HIVEP2: variants seen among roughly 807,000 people sequenced by gnomAD.
HIVEP2 encodes the protein transcription factor HIVEP2.
A neutral mutation model predicts 180.7 loss-of-function variants in HIVEP2; 14 were observed. The ratio of observed to expected loss-of-function variants is 0.08; its 90% CI spans 0.05 to 0.12. HIVEP2 has a LOEUF of 0.12. Among genes scored for constraint, HIVEP2 ranks in the 10% least tolerant of loss-of-function variants. The pLI is 1.00. For synonymous variants in HIVEP2, 1,184 were observed against 1,136.4 expected, an observed-to-expected ratio of 1.04 and a Z score of -0.84; for missense variants, 2,579 against 3,008.5, an observed-to-expected ratio of 0.86 and a Z score of 3.34.
chr6:142,777,993 G>T (rs959417994), intron 3 of HIVEP2, among the ~76,000 whole-genome samples: 1 of 152,098 alleles, frequency 6.6e-6, no homozygotes, highest in African/African-American at 2.4e-5. Flanking sequence ...ATTCCCACAG[G>T]AACGGTAAGT....
chr6:142,841,330 A>G (rs934383667), intron 1 of HIVEP2, among the ~76,000 whole-genome samples: 3 of 152,032 alleles, frequency 2.0e-5, no homozygotes, highest in Non-Finnish European at 4.4e-5. Context: ...TTCTGGGCTC[A>G]CCCTTTAGTT....
chr6:142,817,292 A>G (rs1771485590), intron 2 of HIVEP2, among the ~76,000 whole-genome samples: 2 of 152,222 alleles, frequency 1.3e-5, no homozygotes, highest in African/African-American at 4.8e-5. Flanking sequence ...GTTGTAGCCA[A>G]TGCTAGAAAA....
At chr6:142,895,733 A>G (rs1582948651) in intron 1 of HIVEP2, among the ~76,000 whole-genome samples, 1 of 152,220 alleles carries the variant, frequency 6.6e-6, no homozygotes. Flanking sequence ...AACACACTGT[A>G]TTATTTATTT....
intron 1 of HIVEP2, among the ~76,000 whole-genome samples, chr6:142,873,484 T>C (rs1378525763): frequency 6.6e-6 from 1 of 152,212 alleles, no homozygotes; most frequent in Non-Finnish European, 1.5e-5. Context: ...GGCTTACATA[T>C]ACGAAGTGTC....
At chr6:142,934,827 C>G (rs2128439640) in intron 1 of HIVEP2, among the ~76,000 whole-genome samples, 1 of 152,304 alleles carries the variant, frequency 6.6e-6, no homozygotes, top group Admixed American at 6.5e-5. Context: ...CTTTCCTCCT[C>G]CATTTGTCTT....
intron 2 of HIVEP2, among the ~76,000 whole-genome samples, chr6:142,809,373 C>T (rs998874380): frequency 2.6e-5 from 4 of 152,090 alleles, no homozygotes; most frequent in African/African-American, 4.8e-5. Context: ...TCACTCTTGG[C>T]ACTGGGCACA....
chr6:142,918,517 T>C (rs894420890), intron 1 of HIVEP2, among the ~76,000 whole-genome samples: 3 of 152,238 alleles, frequency 2.0e-5, no homozygotes, highest in African/African-American at 4.8e-5. Context: ...TGTTCTGCCC[T>C]GGCTTTGCGA....
intron 2 of HIVEP2, among the ~76,000 whole-genome samples, chr6:142,801,235 C>T (rs1444415243): frequency 6.7e-6 from 1 of 148,620 alleles, no homozygotes; most frequent in African/African-American, 2.5e-5. Context: ...ACAATACCTT[C>T]AGTTAAGAGG....
In HIVEP2 at chr6:142,760,687, A is replaced by G. The variant is rs1353221568; in HGVS notation, c.5621-20T>C. On this transcript the variant is annotated intron_variant, in intron 8 of 9. Transcript: ENST00000367603. The stretch of plus-strand genomic sequence containing the variant: ...AATTTTCTGAAACAATTAAACAAAG[A>G]TAATGGAGATCAAGATCCAAATATC... The G allele has an allele frequency of 4.6e-6, 7 of 1,538,106 alleles. No individual in the cohort carries two copies. Among genetic ancestry groups the G allele is most frequent in the Non-Finnish European group, 6.2e-6 (7 of 1,134,818 alleles).
chr6:142,927,546 G>A (rs1216665081), intron 1 of HIVEP2, among the ~76,000 whole-genome samples: 1 of 152,108 alleles, frequency 6.6e-6, no homozygotes, highest in South Asian at 2.1e-4. Flanking sequence ...TATTCTATAT[G>A]TTTTCATTAT....
At chr6:142,809,228 C>T (rs1188659494) in intron 2 of HIVEP2, among the ~76,000 whole-genome samples, 1 of 152,096 alleles carries the variant, frequency 6.6e-6, no homozygotes, top group Non-Finnish European at 1.5e-5. Flanking sequence ...TCTGAAGTTA[C>T]CTTTAGGCAG....
chr6:142,862,932 T>C (rs1776038884), intron 1 of HIVEP2, among the ~76,000 whole-genome samples: 1 of 137,536 alleles, frequency 7.3e-6, no homozygotes, highest in Non-Finnish European at 1.5e-5. Context: ...TAATATATTG[T>C]ACTTTACATA....
In HIVEP2 at chr6:142,771,396, G is replaced by T. The variant is rs1179177419; in HGVS notation, c.3343C>A (p.Leu1115Ile). The change falls in exon 5 of 10, where the codon CTC (leucine) becomes ATC (isoleucine). Residue 1115 changes from leucine (L) to isoleucine (I), a missense_variant. Leu to Ile is a conservative substitution (Grantham distance 5). Around this residue, in one of 11 missense-constraint regions of HIVEP2, gnomAD observed 523 missense variants for 577.0 expected, o/e 0.91. Coordinates refer to ENST00000367603, the MANE Select transcript of HIVEP2 (RefSeq NM_006734.4). The surrounding 1 kb of genome is among the most constrained non-coding windows in gnomAD (Gnocchi z 5.4). ...QEQLEHLHAG[L>I]RSGWHHGPPA... ...GGGCCATGGTGCCACCCGGACCGGA[G>T]GCCAGCATGCAGGTGCTCCAGCTGC... 1 of 1,613,238 alleles carries T rather than the reference G, an allele frequency of 6.2e-7. No homozygotes were observed. Among genetic ancestry groups the T allele is most frequent in the Non-Finnish European group, 8.5e-7 (1 of 1,179,986 alleles).
intron 1 of HIVEP2, among the ~76,000 whole-genome samples, chr6:142,855,388 C>A (rs1029799245): frequency 6.6e-6 from 1 of 152,212 alleles, no homozygotes; most frequent in African/African-American, 2.4e-5. Flanking sequence ...CTACAACCTT[C>A]TGTACAAGTA....
In HIVEP2 at chr6:142,862,533, G is replaced by T. The variant is rs12205480; in HGVS notation, c.-640-25486C>A. On this transcript the variant is annotated intron_variant, in intron 1 of 9. Coordinates refer to ENST00000367603, the MANE Select transcript of HIVEP2 (RefSeq NM_006734.4). ...TTTTATAATACATATAATCGATTAT[G>T]TGTATCATATATTTTATAATACACA... Among the ~76,000 whole-genome samples the T allele has an allele frequency of 4.2e-5, 4 of 96,346 alleles. 1 individual carries two copies. Among genetic ancestry groups the T allele is most frequent in the African/African-American group, 6.5e-5 (2 of 30,652 alleles). The allele number at this position is 96,346 out of a possible 152,430, so 63.2% of individuals were successfully genotyped here.
chr6:142,763,589 A>G (rs1775305842), intron 7 of HIVEP2, among the ~76,000 whole-genome samples: 1 of 152,226 alleles, frequency 6.6e-6, no homozygotes, highest in Admixed American at 6.5e-5. Flanking sequence ...TCACACAACT[A>G]TACCTGCAGC....
chr6:142,845,635 G>A (rs994581110), intron 1 of HIVEP2, among the ~76,000 whole-genome samples: 2 of 152,234 alleles, frequency 1.3e-5, no homozygotes, highest in Non-Finnish European at 2.9e-5. Flanking sequence ...GGAAACAAAG[G>A]TTCAGTTAAG....
chr6:142,851,171 A>C (rs1000995772), intron 1 of HIVEP2, among the ~76,000 whole-genome samples: 1 of 152,232 alleles, frequency 6.6e-6, no homozygotes, highest in African/African-American at 2.4e-5. Context: ...AACAAGAGGA[A>C]GCAACTGTAG....
At position 142,774,259 on chromosome 6, in the gene HIVEP2, AGGGTTC is replaced by A; in HGVS notation, c.474_479del (p.Asn159_Pro160del). ...TTTTCTGGGAGTATTGGCTATAAGC[AGGGTTC>A]AGACTTGAAATCTTTTTTCTAGGAT... On this transcript the variant is annotated inframe_deletion, in exon 5 of 10. Coordinates refer to ENST00000367603, the MANE Select transcript of HIVEP2 (RefSeq NM_006734.4). This position sits in a 1 kb window ranked among gnomAD's most constrained non-coding sequence, Gnocchi z 5.1. 1 of 1,614,182 alleles carries A rather than the reference AGGGTTC, an allele frequency of 6.2e-7. No individual in the cohort carries two copies. The highest frequency in any genetic ancestry group is 2.2e-5 in the East Asian group (1 of 44,878).
Sources: allele counts gnomAD v4.1 joint callset (sites outside exome capture counted in the v4.1 genomes callset), GRCh38; gene constraint gnomAD v4.1.1; regional missense constraint gnomAD v4.1.1; non-coding constraint Gnocchi (gnomAD v3.1); transcripts MANE v1.5; gene names NCBI Gene and HGNC (gene_info 2026-07-23, HGNC 2026-07-21).